The following DRC11 variants were observed in gnomAD, a reference collection of about 807,000 sequenced individuals.
DRC11 encodes the protein IQ and AAA domain-containing protein 1.
the DRC11 span, among the ~76,000 whole-genome samples, chr2:236,357,177 A>ATATATTCGTATATTATATATCTAT: frequency 3.8e-3 from 338 of 89,550 alleles, 19 homozygotes; most frequent in Non-Finnish European, 6.2e-3. Flanking sequence ...TCTATATATT[A>ATATATTCGTATATTATATATCTAT]TATATATTCA....
At chr2:236,357,887 A>G in the DRC11 span, among the ~76,000 whole-genome samples, 7 of 85,024 alleles carry the variant, frequency 8.2e-5, no homozygotes, top group Non-Finnish European at 1.8e-4. Context: ...ATACTATATA[A>G]ATGTATTTAT....
chr2:236,321,012 G>A, the DRC11 span, among the ~76,000 whole-genome samples: 148 of 152,314 alleles, frequency 9.7e-4, no homozygotes, highest in Middle Eastern at 0.014. Context: ...CTCCGTGGAT[G>A]ACAAGGTACC....
the DRC11 span, chr2:236,377,258 A>G: frequency 1.2e-5 from 10 of 868,224 alleles, no homozygotes; most frequent in Admixed American, 7.7e-5. This position sits in a 1 kb window ranked among gnomAD's most constrained non-coding sequence, Gnocchi z 4.9. Context: ...TAATGATCAC[A>G]TACGCGGAGA....
the DRC11 span, among the ~76,000 whole-genome samples, chr2:236,436,574 ATTAT>A: frequency 1.3e-5 from 2 of 152,120 alleles, no homozygotes; most frequent in Admixed American, 6.5e-5. Flanking sequence ...ATTAAATAAT[ATTAT>A]TTATTAGTCT....
the DRC11 span, among the ~76,000 whole-genome samples, chr2:236,327,978 T>C: frequency 1.3e-5 from 2 of 152,248 alleles, no homozygotes; most frequent in African/African-American, 4.8e-5. Context: ...TTTTTTTCAC[T>C]ATCAAAAGTT....
the DRC11 span, among the ~76,000 whole-genome samples, chr2:236,474,720 T>G: frequency 6.6e-6 from 1 of 152,178 alleles, no homozygotes; most frequent in Non-Finnish European, 1.5e-5. Context: ...CATATCATCA[T>G]GTACCTACCT....
At chr2:236,432,974 T>C in the DRC11 span, among the ~76,000 whole-genome samples, 1 of 152,144 alleles carries the variant, frequency 6.6e-6, no homozygotes, top group Non-Finnish European at 1.5e-5. Flanking sequence ...TTAATTTTCT[T>C]TTTTCTTAGA....
chr2:236,402,130 C>A, the DRC11 span, among the ~76,000 whole-genome samples: 15 of 152,208 alleles, frequency 9.9e-5, no homozygotes, highest in African/African-American at 2.4e-4. The surrounding 1 kb of genome is among the most constrained non-coding windows in gnomAD (Gnocchi z 6.0). Context: ...GGGCTGGCAG[C>A]GGCTCTTGCT....
At chr2:236,422,602 A>T in the DRC11 span, among the ~76,000 whole-genome samples, 3 of 152,228 alleles carry the variant, frequency 2.0e-5, no homozygotes. Flanking sequence ...GGAAGAATCA[A>T]TATCGTGAAA....
chr2:236,371,723 G>A, the DRC11 span, among the ~76,000 whole-genome samples: 1 of 152,096 alleles, frequency 6.6e-6, no homozygotes, highest in South Asian at 2.1e-4. This position sits in a 1 kb window ranked among gnomAD's most constrained non-coding sequence, Gnocchi z 5.1. Context: ...CTTCAGGAAG[G>A]GCTCAGGGGG....
chr2:236,454,605 A>G, the DRC11 span: 2 of 152,160 alleles, frequency 1.3e-5, no homozygotes, highest in East Asian at 3.9e-4. This position sits in a 1 kb window ranked among gnomAD's most constrained non-coding sequence, Gnocchi z 5.3. Context: ...CTGTCTTTCT[A>G]AAACCTCTTT....
At chr2:236,370,335 A>T in the DRC11 span, among the ~76,000 whole-genome samples, 1 of 152,216 alleles carries the variant, frequency 6.6e-6, no homozygotes, top group Admixed American at 6.5e-5. This position sits in a 1 kb window ranked among gnomAD's most constrained non-coding sequence, Gnocchi z 5.5. Flanking sequence ...CATTTGCTGT[A>T]ATTACCTCAT....
chr2:236,383,534 T>A, the DRC11 span, among the ~76,000 whole-genome samples: 6 of 152,178 alleles, frequency 3.9e-5, no homozygotes, highest in Non-Finnish European at 7.4e-5. Context: ...TGTTGGTTAT[T>A]TGAGATTGTT....
the DRC11 span, among the ~76,000 whole-genome samples, chr2:236,477,113 G>T: frequency 6.6e-6 from 1 of 152,090 alleles, no homozygotes; most frequent in Non-Finnish European, 1.5e-5. Context: ...AGACCTTATA[G>T]AATGAGTTTG....
chr2:236,363,915 C>T, the DRC11 span: 3 of 1,613,836 alleles, frequency 1.9e-6, no homozygotes, highest in African/African-American at 4.0e-5. This position sits in a 1 kb window ranked among gnomAD's most constrained non-coding sequence, Gnocchi z 5.6. Context: ...TCTTCCCTAC[C>T]CCAGACGGCC....
chr2:236,307,972 GTGACACAA>G, the DRC11 span, among the ~76,000 whole-genome samples: 1 of 151,954 alleles, frequency 6.6e-6, no homozygotes, highest in African/African-American at 2.4e-5. This position sits in a 1 kb window ranked among gnomAD's most constrained non-coding sequence, Gnocchi z 7.0. Context: ...TGTGCTTGCA[GTGACACAA>G]GCGTCCTCGT....
At chr2:236,319,989 C>T in the DRC11 span, among the ~76,000 whole-genome samples, 1 of 152,250 alleles carries the variant, frequency 6.6e-6, no homozygotes, top group Non-Finnish European at 1.5e-5. This position sits in a 1 kb window ranked among gnomAD's most constrained non-coding sequence, Gnocchi z 6.7. Context: ...TGCAAAGCAG[C>T]TCACTACTGC....
At chr2:236,409,667 G>A in the DRC11 span, among the ~76,000 whole-genome samples, 6 of 151,970 alleles carry the variant, frequency 3.9e-5, no homozygotes, top group Non-Finnish European at 8.8e-5. Flanking sequence ...TGGTGAGAGA[G>A]GGCATCCCTG....
At chr2:236,412,282 T>C in the DRC11 span, among the ~76,000 whole-genome samples, 1 of 152,212 alleles carries the variant, frequency 6.6e-6, no homozygotes, top group African/African-American at 2.4e-5. Context: ...TGGAAGACTA[T>C]ATAGGAAGTT....
Sources: allele counts gnomAD v4.1 joint callset (sites outside exome capture counted in the v4.1 genomes callset), GRCh38; gene constraint gnomAD v4.1.1; non-coding constraint Gnocchi (gnomAD v3.1); transcripts MANE v1.5; gene names NCBI Gene and HGNC (gene_info 2026-07-23, HGNC 2026-07-21).